Variants in PCDH9 observed in about 807,000 individuals in gnomAD.
PCDH9 encodes protocadherin 9, also known as protocadherin-9.
Under a neutral mutation model 70.6 loss-of-function variants are expected in PCDH9, and 24 were observed. The observed-to-expected ratio is 0.34, with a 90% confidence interval of 0.25 to 0.48. The LOEUF (loss-of-function observed/expected upper bound fraction) is 0.48, where lower values mean the gene tolerates loss of function less well. Among genes scored for constraint, PCDH9 ranks in the 20% least tolerant of loss-of-function variants. The pLI is 0.99. For synonymous variants in PCDH9, 562 were observed against 558.5 expected (o/e 1.01, Z -0.09); for missense variants, 1,281 against 1,503.6 (o/e 0.85, Z 2.45).
intron 4 of PCDH9, among the ~76,000 whole-genome samples, chr13:66,316,654 T>G (rs1955656412): frequency 6.6e-6 from 1 of 152,216 alleles, no homozygotes; most frequent in Admixed American, 6.5e-5. Context: ...CAAAAGTCAA[T>G]TCTTCATAGA....
At chr13:66,494,096 T>C (rs777038636) in intron 4 of PCDH9, among the ~76,000 whole-genome samples, 21 of 152,032 alleles carry the variant, frequency 1.4e-4, no homozygotes, top group Admixed American at 3.9e-4. Flanking sequence ...GAAAACAAAA[T>C]GTAAATTTTC....
chr13:66,571,067 A>T (rs1052893089), intron 4 of PCDH9, among the ~76,000 whole-genome samples: 3 of 152,096 alleles, frequency 2.0e-5, no homozygotes, highest in Non-Finnish European at 2.9e-5. Flanking sequence ...CTAGGCATAG[A>T]TATAAAATCT....
At chr13:66,508,984 A>T (rs1238480500) in intron 4 of PCDH9, among the ~76,000 whole-genome samples, 1 of 152,168 alleles carries the variant, frequency 6.6e-6, no homozygotes, top group Admixed American at 6.5e-5. Flanking sequence ...AACATAATGA[A>T]TTTTGAATTC....
At chr13:66,478,380 C>T (rs1283888683) in intron 4 of PCDH9, among the ~76,000 whole-genome samples, 1 of 152,158 alleles carries the variant, frequency 6.6e-6, no homozygotes, top group Non-Finnish European at 1.5e-5. Flanking sequence ...GGAGGAATCA[C>T]AAGCCTCTCA....
At chr13:66,546,460 G>A (rs1352921476) in intron 4 of PCDH9, among the ~76,000 whole-genome samples, 2 of 152,048 alleles carry the variant, frequency 1.3e-5, no homozygotes, top group Non-Finnish European at 1.5e-5. Context: ...CTTATAGAAT[G>A]TGGATATAAA....
intron 2 of PCDH9, among the ~76,000 whole-genome samples, chr13:67,024,128 C>A (rs1454056592): frequency 6.6e-6 from 1 of 152,080 alleles, no homozygotes; most frequent in Admixed American, 6.6e-5. Flanking sequence ...TAGGAAGCCA[C>A]CAGAAGCTGA....
chr13:66,411,675 A>G (rs1413115211), intron 4 of PCDH9, among the ~76,000 whole-genome samples: 1 of 152,176 alleles, frequency 6.6e-6, no homozygotes, highest in Non-Finnish European at 1.5e-5. Context: ...AGATAGATAG[A>G]CAGATGGATA....
intron 3 of PCDH9, among the ~76,000 whole-genome samples, chr13:66,861,265 C>T (rs1262268376): frequency 1.3e-5 from 2 of 152,218 alleles, no homozygotes; most frequent in Non-Finnish European, 2.9e-5. Flanking sequence ...AAGGCAATCA[C>T]ATGGAGGGCC....
chr13:67,125,557 C>T (rs965085671), intron 2 of PCDH9, among the ~76,000 whole-genome samples: 11 of 152,070 alleles, frequency 7.2e-5, no homozygotes, highest in African/African-American at 2.7e-4. Context: ...AGGAGAGGTG[C>T]CTAAGAAGTA....
At chr13:67,161,228 A>C (rs2087950320) in intron 2 of PCDH9, among the ~76,000 whole-genome samples, 1 of 152,212 alleles carries the variant, frequency 6.6e-6, no homozygotes, top group Non-Finnish European at 1.5e-5. Context: ...AAATATAAGG[A>C]AAGTCTCAGG....
chr13:66,434,690 T>C lies in PCDH9; in HGVS notation c.3341-129662A>G, dbSNP rs145887597. ...TGTATGTTTGTAAGCAGCACACATA[T>C]AAGCTGAAAATTATGTTCAAGCACT... On this transcript the variant is annotated intron_variant, in intron 4 of 4. Coordinates refer to ENST00000377865, the MANE Select transcript of PCDH9 (RefSeq NM_203487.3). Among the ~76,000 whole-genome samples, 99 of 152,134 alleles carry C rather than the reference T, an allele frequency of 6.5e-4. 1 individual carries two copies. Among genetic ancestry groups the C allele is most frequent in the African/African-American group, 1.8e-3 (76 of 41,536 alleles).
At chr13:67,042,992 A>G (rs2085152349) in intron 2 of PCDH9, among the ~76,000 whole-genome samples, 1 of 152,206 alleles carries the variant, frequency 6.6e-6, no homozygotes, top group Non-Finnish European at 1.5e-5. Context: ...GTGAATTTGT[A>G]AAGTTCACAA....
intron 4 of PCDH9, among the ~76,000 whole-genome samples, chr13:66,562,440 A>T (rs574385355): frequency 6.6e-6 from 1 of 152,298 alleles, no homozygotes; most frequent in Admixed American, 6.5e-5. Context: ...TTTATTAAAA[A>T]AAAGAGGTTT....
At chr13:66,334,255 T>C (rs1043137977) in intron 4 of PCDH9, among the ~76,000 whole-genome samples, 31 of 152,092 alleles carry the variant, frequency 2.0e-4, no homozygotes, top group African/African-American at 7.5e-4. Context: ...GATACCAACC[T>C]TTTAATCTCC....
At position 66,617,203 on chromosome 13, in the gene PCDH9, C is replaced by G. The variant is rs141420504; in HGVS notation, c.3340+14007G>C. Among the ~76,000 whole-genome samples, 991 of 152,230 alleles carry G rather than the reference C, an allele frequency of 6.5e-3. 10 individuals carry two copies. Among genetic ancestry groups the G allele is most frequent in the African/African-American group, 0.022 (934 of 41,532 alleles). ...TTCATGGGTGCAAGCCACTTTTGCA[C>G]TCATGGTGGCACCTGCCAAGGTCGT... is the stretch of plus-strand genomic sequence containing the variant. On this transcript the variant is annotated intron_variant, in intron 4 of 4. Transcript: ENST00000377865.
intron 3 of PCDH9, among the ~76,000 whole-genome samples, chr13:66,706,073 G>A (rs1053885424): frequency 1.3e-5 from 2 of 152,164 alleles, no homozygotes; most frequent in Admixed American, 1.3e-4. Context: ...ATGTAAATGA[G>A]CAGTCGTTAA....
chr13:66,945,280 C>T (rs1456949784), intron 2 of PCDH9, among the ~76,000 whole-genome samples: 1 of 152,038 alleles, frequency 6.6e-6, no homozygotes. Context: ...CCCCCAGCAG[C>T]CCCAAGCAAC....
intron 2 of PCDH9, among the ~76,000 whole-genome samples, chr13:67,043,747 G>A (rs1339442471): frequency 2.0e-5 from 3 of 152,118 alleles, no homozygotes; most frequent in African/African-American, 7.2e-5. Context: ...GGCCAGCCGA[G>A]CTCTGTAGTG....
intron 4 of PCDH9, among the ~76,000 whole-genome samples, chr13:66,409,690 TAGGCTCATG>T (rs1392050636): frequency 1.3e-5 from 2 of 152,204 alleles, no homozygotes; most frequent in East Asian, 3.8e-4. Context: ...AGTTTAGACA[TAGGCTCATG>T]GGTAATCTAT....
Sources: gnomAD v4.1 joint callset for allele counts (sites outside exome capture counted in the v4.1 genomes callset) on GRCh38, gnomAD v4.1.1 for gene constraint, MANE v1.5 for transcripts, NCBI Gene and HGNC (gene_info 2026-07-23, HGNC 2026-07-21) for gene names.